NTNG1: variants seen among roughly 807,000 people sequenced by gnomAD.
NTNG1 encodes the protein netrin G1.
A neutral mutation model predicts 54.0 loss-of-function variants in NTNG1; 16 were observed. The observed-to-expected ratio is 0.30, with a 90% confidence interval of 0.20 to 0.45. The LOEUF (loss-of-function observed/expected upper bound fraction) is 0.45. Among genes scored for constraint, NTNG1 ranks in the 20% least tolerant of loss-of-function variants. The pLI, the probability that NTNG1 is intolerant of heterozygous loss-of-function variation, is 1.00. For missense variants in NTNG1, 530 were observed against 678.7 expected, an observed-to-expected ratio of 0.78 and a Z score of 2.43; for synonymous variants, 255 against 263.1, an observed-to-expected ratio of 0.97 and a Z score of 0.30.
At chr1:107,432,688 A>G (rs1675345407) in intron 6 of NTNG1, among the ~76,000 whole-genome samples, 1 of 152,188 alleles carries the variant, frequency 6.6e-6, no homozygotes, top group African/African-American at 2.4e-5. Flanking sequence ...AAATAGGAAC[A>G]CAGGATAAAA....
intron 2 of NTNG1, among the ~76,000 whole-genome samples, chr1:107,224,236 T>G (rs1557824134): frequency 6.6e-6 from 1 of 152,170 alleles, no homozygotes; most frequent in Non-Finnish European, 1.5e-5. Flanking sequence ...ATTACTAAGG[T>G]GCTCCAGTAT....
At chr1:107,385,434 AAATGAGAAATTGAGGAATGAGTTTCAC>A in intron 3 of NTNG1, among the ~76,000 whole-genome samples, 1 of 152,086 alleles carries the variant, frequency 6.6e-6, no homozygotes, top group Non-Finnish European at 1.5e-5. Flanking sequence ...TCCAGGAAAT[AAATGAGAAATTGAGGAATGAGTTTCAC>A]AGACGCCATG....
chr1:107,202,417 C>T (rs1253720238), intron 2 of NTNG1, among the ~76,000 whole-genome samples: 1 of 151,844 alleles, frequency 6.6e-6, no homozygotes, highest in African/African-American at 2.4e-5. Flanking sequence ...TGGTGCATAG[C>T]ATTTAGCTAT....
chr1:107,218,000 G>A (rs370935059), intron 2 of NTNG1, among the ~76,000 whole-genome samples: 2 of 152,210 alleles, frequency 1.3e-5, no homozygotes, highest in African/African-American at 4.8e-5. Flanking sequence ...TTGTTTTGTT[G>A]TTGACTTTCT....
chr1:107,240,298 C>T (rs1216337105), intron 2 of NTNG1, among the ~76,000 whole-genome samples: 1 of 147,010 alleles, frequency 6.8e-6, no homozygotes, highest in African/African-American at 2.5e-5. Flanking sequence ...TTTTTTTACA[C>T]ATTACGATAT....
intron 2 of NTNG1, among the ~76,000 whole-genome samples, chr1:107,315,612 C>T (rs964004122): frequency 6.6e-5 from 10 of 152,146 alleles, no homozygotes; most frequent in Non-Finnish European, 1.2e-4. Context: ...ATTTGTTACT[C>T]CCTTTGCCAA....
At chr1:107,194,415 C>A (rs921754889) in intron 2 of NTNG1, among the ~76,000 whole-genome samples, 1 of 152,016 alleles carries the variant, frequency 6.6e-6, no homozygotes, top group African/African-American at 2.4e-5. Context: ...TCACATCAGT[C>A]TCCTCTTTTC....
rs368850796 is a variant in NTNG1 at position 107,360,565 on chromosome 1, A to G, written c.888-34589A>G. ...AGATTTTCAGCAAGGAAATCAAGTA[A>G]TATAATTTATATGATAATGAATGGA... On this transcript the variant is annotated intron_variant, in intron 3 of 7. Transcript: ENST00000370068. Among the ~76,000 whole-genome samples, 215 of 152,338 alleles carry G rather than the reference A, an allele frequency of 1.4e-3. 1 individual carries two copies. The highest frequency in any genetic ancestry group is 5.0e-3 in the African/African-American group (208 of 41,582).
intron 2 of NTNG1, among the ~76,000 whole-genome samples, chr1:107,153,572 T>C (rs1654749390): frequency 6.6e-6 from 1 of 152,228 alleles, no homozygotes; most frequent in South Asian, 2.1e-4. Context: ...TTTAGACTTA[T>C]TTCTTAGAAA....
intron 2 of NTNG1, among the ~76,000 whole-genome samples, chr1:107,278,139 G>A (rs1344182089): frequency 6.6e-6 from 1 of 152,104 alleles, no homozygotes; most frequent in East Asian, 1.9e-4. Context: ...AAAGGCCTTT[G>A]CATTTCCTCC....
intron 2 of NTNG1, among the ~76,000 whole-genome samples, chr1:107,298,166 C>G (rs1450912709): frequency 6.6e-6 from 1 of 152,120 alleles, no homozygotes; most frequent in African/African-American, 2.4e-5. Context: ...TTTCTGAATT[C>G]TGGGGATAAA....
intron 2 of NTNG1, among the ~76,000 whole-genome samples, chr1:107,266,745 A>G (rs892613986): frequency 6.6e-6 from 1 of 151,714 alleles, no homozygotes; most frequent in Non-Finnish European, 1.5e-5. Flanking sequence ...GAAGCAAAAG[A>G]AAGATTATGT....
intron 2 of NTNG1, among the ~76,000 whole-genome samples, chr1:107,206,207 T>C (rs1659178289): frequency 6.6e-6 from 1 of 152,132 alleles, no homozygotes; most frequent in Admixed American, 6.6e-5. Flanking sequence ...TGCATGGCTG[T>C]CCCTGTCCTC....
intron 3 of NTNG1, among the ~76,000 whole-genome samples, chr1:107,340,417 A>G (rs980759871): frequency 6.6e-6 from 1 of 152,108 alleles, no homozygotes. Flanking sequence ...TTCATTAAAT[A>G]TAAATGTTAT....
At chr1:107,304,187 CTTT>C (rs35149559) in intron 2 of NTNG1, among the ~76,000 whole-genome samples, 1 of 147,250 alleles carries the variant, frequency 6.8e-6, no homozygotes, top group East Asian at 2.0e-4. Flanking sequence ...TGATCACATA[CTTT>C]TTTTTTTTCT....
chr1:107,412,216 T>A (rs1374846812), intron 5 of NTNG1, among the ~76,000 whole-genome samples: 3 of 152,154 alleles, frequency 2.0e-5, no homozygotes, highest in Non-Finnish European at 2.9e-5. Flanking sequence ...TTTCATTTGA[T>A]GAGACTTTAG....
chr1:107,304,147 C>T (rs1197960103), intron 2 of NTNG1, among the ~76,000 whole-genome samples: 3 of 152,088 alleles, frequency 2.0e-5, no homozygotes, highest in African/African-American at 7.2e-5. Flanking sequence ...TTTTCTTACT[C>T]CTTATCTTCT....
intron 4 of NTNG1, among the ~76,000 whole-genome samples, chr1:107,397,899 C>T (rs978435918): frequency 1.3e-4 from 20 of 152,010 alleles, no homozygotes; most frequent in Non-Finnish European, 2.8e-4. Context: ...GTAGTACTTC[C>T]AGCCAAGCAC....
intron 2 of NTNG1, among the ~76,000 whole-genome samples, chr1:107,297,727 A>G (rs2101792105): frequency 6.6e-6 from 1 of 152,290 alleles, no homozygotes; most frequent in African/African-American, 2.4e-5. Flanking sequence ...ATATCAACAC[A>G]TCAATCTCAA....
Sources: allele counts gnomAD v4.1 joint callset (sites outside exome capture counted in the v4.1 genomes callset), GRCh38; gene constraint gnomAD v4.1.1; transcripts MANE v1.5; gene names NCBI Gene and HGNC (gene_info 2026-07-23, HGNC 2026-07-21).